ATP13A5: variants seen among roughly 807,000 people sequenced by gnomAD.
The protein encoded by ATP13A5 is ATPase 13A5.
A neutral mutation model predicts 150.2 loss-of-function variants in ATP13A5; 149 were observed. The observed-to-expected ratio is 0.99, with a 90% CI of 0.87 to 1.14. ATP13A5 has a LOEUF of 1.14. ATP13A5 is among the 50% of genes most tolerant of loss of function. The probability of loss-of-function intolerance (pLI) is 0.00; values close to 1 mark genes in which losing one functional copy is unlikely to be tolerated. For synonymous variants in ATP13A5, 497 were observed against 522.2 expected, an observed-to-expected ratio of 0.95 and a Z score of 0.66; for missense variants, 1,383 against 1,449.3, an observed-to-expected ratio of 0.95 and a Z score of 0.74.
chr3:193,359,217 C>G (rs1360219025), intron 5 of ATP13A5, among the ~76,000 whole-genome samples: 1 of 152,118 alleles, frequency 6.6e-6, no homozygotes, highest in Non-Finnish European at 1.5e-5. Flanking sequence ...TTCCTTGATC[C>G]TTCTGTAAAT....
intron 25 of ATP13A5, among the ~76,000 whole-genome samples, chr3:193,292,747 A>C (rs1463189998): frequency 1.3e-5 from 2 of 152,112 alleles, no homozygotes; most frequent in Non-Finnish European, 2.9e-5. Flanking sequence ...ATCAACTTAC[A>C]AACCCATGAA....
intron 21 of ATP13A5, among the ~76,000 whole-genome samples, chr3:193,309,205 G>A (rs542548710): frequency 6.6e-6 from 1 of 152,266 alleles, no homozygotes; most frequent in South Asian, 2.1e-4. Context: ...GGGTAATAAA[G>A]GACTTTCTCT....
At position 193,322,496 on chromosome 3, in the gene ATP13A5, T is replaced by A; in HGVS notation, c.1753A>T (p.Ser585Cys). The change falls in exon 15 of 30, where the codon AGT (serine) becomes TGT (cysteine). Residue 585 changes from serine to cysteine, a missense_variant. This residue lies in a region of ATP13A5 where 787 missense variants were observed against 771.9 expected (regional missense o/e 1.02). Transcript: ENST00000342358. ...SNIIKPGPKA[S>C]KSPVEAIITL... ...TGTAAAGAAGGAAATCATACCTTAC[T>A]GGCTTTTGGTCCTGGTTTTATGATG... 1 of 1,612,490 alleles carries A rather than the reference T, an allele frequency of 6.2e-7. No individual in the cohort carries two copies. Among genetic ancestry groups the A allele is most frequent in the Non-Finnish European group, 8.5e-7 (1 of 1,178,590 alleles).
Position 193,362,458 on chromosome 3 carries a change from C to T in ATP13A5, c.459G>A (p.Leu153=). The change falls in exon 5 of 30, where the codon TTG becomes TTA. Residue 153 remains leucine (L), a synonymous_variant. Transcript: ENST00000342358. ...DLEKRFQKVG[L]LEDSNSCSDI... ...CAGAGCAGGAATTGCTGTCTTCTAG[C>T]AACCTAGGATGTATTCAGGATAGGA... The T allele has an allele frequency of 6.2e-7, 1 of 1,614,116 alleles. No homozygotes were observed. The highest frequency in any genetic ancestry group is 8.5e-7 in the Non-Finnish European group (1 of 1,179,964).
At position 193,321,779 on chromosome 3, in the gene ATP13A5, C is replaced by T. The variant is rs896230888; in HGVS notation, c.1817G>A (p.Arg606Lys). ...AGCTAGCTGAGCGATCACGGACATC[C>T]TCTGCAGGCTCGAGGAAAATGGAAA... ...CQFPFSSSLQ[R>K]MSVIAQLAGE... Residue 606 changes from arginine (R) to lysine (K), a missense_variant, in exon 16 of 30, where the codon AGG (arginine) becomes AAG (lysine). Coordinates refer to ENST00000342358, the MANE Select transcript of ATP13A5 (RefSeq NM_198505.4). 6.2e-7 allele frequency: 1 copy of T among 1,614,070 alleles called. No homozygotes were observed. The highest frequency in any genetic ancestry group is 1.7e-5 in the Admixed American group (1 of 59,996).
At position 193,285,116 on chromosome 3, in the gene ATP13A5, A is replaced by G. The variant is rs929277573; in HGVS notation, c.3024T>C (p.Ser1008=). ...TACTTTGGTTGGCCAGAAAACACTC[A>G]CTACAAAAGAATCACCAGTGTTTAT... ...QPWYCEVYQY[S]ECFLANQSNF... The change falls in exon 27 of 30, where the codon AGT becomes AGC. Residue 1008 remains serine, a splice_region_variant and synonymous_variant. Coordinates refer to ENST00000342358, the MANE Select transcript of ATP13A5 (RefSeq NM_198505.4). 1 of 1,612,038 alleles carries G rather than the reference A, an allele frequency of 6.2e-7. No homozygotes were observed. The highest frequency in any genetic ancestry group is 8.5e-7 in the Non-Finnish European group (1 of 1,178,982).
intron 23 of ATP13A5, among the ~76,000 whole-genome samples, chr3:193,303,589 T>A (rs980377992): frequency 2.0e-5 from 3 of 151,978 alleles, no homozygotes; most frequent in Non-Finnish European, 4.4e-5. Flanking sequence ...ATTTCTCCTT[T>A]AAAAAAATTC....
chr3:193,350,406 G>T (rs1369828960), intron 7 of ATP13A5, among the ~76,000 whole-genome samples: 2 of 151,986 alleles, frequency 1.3e-5, no homozygotes, highest in Non-Finnish European at 2.9e-5. Context: ...TCTAACCCTG[G>T]ATATTTTGAT....
chr3:193,354,969 G>A (rs1280364556), intron 5 of ATP13A5, among the ~76,000 whole-genome samples: 1 of 128,392 alleles, frequency 7.8e-6, no homozygotes, highest in Non-Finnish European at 1.6e-5. Context: ...TTTCACTCTT[G>A]TTGCCCAGGC....
intron 11 of ATP13A5, among the ~76,000 whole-genome samples, chr3:193,333,114 T>C (rs1711697431): frequency 6.6e-6 from 1 of 151,472 alleles, no homozygotes; most frequent in African/African-American, 2.4e-5. Context: ...TTCCCACCAA[T>C]ATTCACTGCC....
At position 193,363,216 on chromosome 3, in the gene ATP13A5, A is replaced by T. The variant is rs751110600; in HGVS notation, c.384+20T>A. 17 of 1,610,100 alleles carry T rather than the reference A, an allele frequency of 1.1e-5. No individual in the cohort carries two copies. The South Asian group carries it at 1.7e-4, about 16-fold the overall frequency. The stretch of plus-strand genomic sequence containing the variant: ...TTTCTCTGTAAACATGCATAACACC[A>T]TACCCTTCAAGTAACTTACTTTTAA... On this transcript the variant is annotated intron_variant, in intron 3 of 29. Coordinates refer to ENST00000342358, the MANE Select transcript of ATP13A5 (RefSeq NM_198505.4).
In ATP13A5 at chr3:193,275,030, C is replaced by T. The variant is rs376236338; in HGVS notation, c.*12G>A. On this transcript the variant is annotated 3_prime_UTR_variant, in exon 30 of 30. Transcript: ENST00000342358. ...AAGCAATGCTGTTGAGCATGTACGA[C>T]GACAATTCTGATTACAGCCTGGCCC... 1.9e-5 allele frequency: 30 copies of T among 1,613,618 alleles called. No individual in the cohort carries two copies. The highest frequency in any genetic ancestry group is 3.3e-5 in the Admixed American group (2 of 59,942).
chr3:193,292,565 G>A (rs1718009076), intron 25 of ATP13A5, among the ~76,000 whole-genome samples: 1 of 152,124 alleles, frequency 6.6e-6, no homozygotes, highest in Non-Finnish European at 1.5e-5. Context: ...CTGTGGCTCT[G>A]CTTTTTGTGA....
intron 17 of ATP13A5, among the ~76,000 whole-genome samples, chr3:193,317,986 T>C (rs1380675286): frequency 6.6e-6 from 1 of 152,244 alleles, no homozygotes; most frequent in African/African-American, 2.4e-5. Flanking sequence ...TGGACCTTTA[T>C]GTTTGCTCAA....
chr3:193,305,869 G>A (rs1039735757), intron 22 of ATP13A5, among the ~76,000 whole-genome samples: 2 of 152,120 alleles, frequency 1.3e-5, no homozygotes, highest in African/African-American at 2.4e-5. Flanking sequence ...ATGACCCAGA[G>A]GTAGAAAAGT....
chr3:193,293,430 G>A (rs577554001), intron 25 of ATP13A5, among the ~76,000 whole-genome samples: 100 of 152,192 alleles, frequency 6.6e-4, no homozygotes, highest in Admixed American at 1.8e-3. Context: ...TGCTGCTATA[G>A]TGCAGGGTGT....
At chr3:193,355,812 A>G (rs1577368367) in intron 5 of ATP13A5, among the ~76,000 whole-genome samples, 1 of 152,320 alleles carries the variant, frequency 6.6e-6, no homozygotes, top group East Asian at 1.9e-4. Flanking sequence ...AAGTGTCAGA[A>G]CTTAGGACCC....
At position 193,321,716 on chromosome 3, in the gene ATP13A5, G is replaced by A; in HGVS notation, c.1880C>T (p.Pro627Leu). 1.2e-6 allele frequency: 2 copies of A among 1,614,092 alleles called. No individual in the cohort carries two copies. The highest frequency in any genetic ancestry group is 1.7e-6 in the Non-Finnish European group (2 of 1,179,992). ...TCTGCAGAACCTGGCCACCATTTCT[G>A]GGGCACCTTTCATGTAGACATGGAA... ...NHFHVYMKGA[P>L]EMVARFCRSE... The change falls in exon 16 of 30, where the codon CCA becomes CTA. Residue 627 changes from proline to leucine, a missense_variant. Pro to Leu is a moderately conservative substitution (Grantham distance 98). Coordinates refer to ENST00000342358, the MANE Select transcript of ATP13A5 (RefSeq NM_198505.4).
chr3:193,346,329 A>G (rs1712334943), intron 7 of ATP13A5, among the ~76,000 whole-genome samples: 1 of 152,060 alleles, frequency 6.6e-6, no homozygotes, highest in Non-Finnish European at 1.5e-5. Flanking sequence ...GAGAAAATGG[A>G]AGGAGCCTGG....
Sources: allele counts gnomAD v4.1 joint callset (sites outside exome capture counted in the v4.1 genomes callset), GRCh38; gene constraint gnomAD v4.1.1; regional missense constraint gnomAD v4.1.1; transcripts MANE v1.5; gene names NCBI Gene and HGNC (gene_info 2026-07-23, HGNC 2026-07-21).